Variants in CDH12 observed in about 807,000 individuals in gnomAD.
The protein encoded by CDH12 is cadherin 12, also known as cadherin-12.
CDH12 carries 41 observed loss-of-function variants against 74.1 expected under a neutral mutation model. The ratio of observed to expected loss-of-function variants is 0.55; its 90% CI spans 0.43 to 0.72. The LOEUF (loss-of-function observed/expected upper bound fraction) is 0.72. Ranked by LOEUF, CDH12 falls within the 30% of genes least tolerant of loss-of-function variation. CDH12 has a pLI of 0.00. For missense variants in CDH12, 945 were observed against 977.2 expected (o/e 0.97, Z 0.44); for synonymous variants, 399 against 355.0 (o/e 1.12, Z -1.39).
At chr5:21,867,442 AG>A (rs1238848807) in intron 6 of CDH12, among the ~76,000 whole-genome samples, 2 of 152,104 alleles carry the variant, frequency 1.3e-5, no homozygotes, top group African/African-American at 2.4e-5. Flanking sequence ...ATGTCTAGCC[AG>A]GGCGGGGCTG....
At chr5:22,247,195 G>A (rs1260710413) in intron 3 of CDH12, among the ~76,000 whole-genome samples, 1 of 152,100 alleles carries the variant, frequency 6.6e-6, no homozygotes, top group African/African-American at 2.4e-5. Flanking sequence ...ACATTTACTG[G>A]CTAGTGTCAG....
intron 5 of CDH12, among the ~76,000 whole-genome samples, chr5:22,051,300 T>C (rs184080916): frequency 5.3e-5 from 8 of 152,266 alleles, no homozygotes; most frequent in Admixed American, 5.2e-4. Flanking sequence ...TGCTTTTTTA[T>C]ATGGTAAAGT....
At chr5:22,793,280 T>G (rs552606368) in intron 1 of CDH12, among the ~76,000 whole-genome samples, 1 of 152,360 alleles carries the variant, frequency 6.6e-6, no homozygotes, top group South Asian at 2.1e-4. Flanking sequence ...AGCTTCTTAC[T>G]GGTTTTGGCC....
In CDH12 at chr5:21,895,538, C is replaced by T. The variant is rs922117263; in HGVS notation, c.527-40748G>A. On this transcript the variant is annotated intron_variant, in intron 6 of 14. Transcript: ENST00000382254. ...TCCATTAGAGCAGCAGGGAATGTTTCCAGAGCTCCATATGCATCAATTTGG... is the reference window on the plus strand; with the variant it reads ...TCCATTAGAGCAGCAGGGAATGTTTTCAGAGCTCCATATGCATCAATTTGG... Among the ~76,000 whole-genome samples, 24 of 152,286 alleles carry T rather than the reference C, an allele frequency of 1.6e-4. 2 individuals are homozygous for T. Among genetic ancestry groups the T allele is most frequent in the Admixed American group, 1.4e-3 (21 of 15,298 alleles).
intron 6 of CDH12, among the ~76,000 whole-genome samples, chr5:21,917,395 T>A (rs1294875451): frequency 6.6e-6 from 1 of 152,326 alleles, no homozygotes; most frequent in East Asian, 1.9e-4. Flanking sequence ...CAGTTTTATT[T>A]GCAAGCTACT....
intron 3 of CDH12, among the ~76,000 whole-genome samples, chr5:22,389,668 A>C (rs1463810557): frequency 9.0e-5 from 9 of 100,096 alleles, no homozygotes; most frequent in Non-Finnish European, 1.7e-4. Flanking sequence ...TTTTTTTTTG[A>C]GACAGAGTCT....
chr5:22,491,060 G>A (rs1746841907), intron 2 of CDH12, among the ~76,000 whole-genome samples: 1 of 152,164 alleles, frequency 6.6e-6, no homozygotes, highest in African/African-American at 2.4e-5. Context: ...GCACGACACT[G>A]ATGTTTGTGC....
At chr5:22,737,492 C>T (rs764580340) in intron 1 of CDH12, among the ~76,000 whole-genome samples, 3 of 151,472 alleles carry the variant, frequency 2.0e-5, no homozygotes, top group Admixed American at 6.6e-5. Flanking sequence ...CAAACGAGCA[C>T]GTATTTGCGT....
intron 2 of CDH12, among the ~76,000 whole-genome samples, chr5:22,418,636 C>A (rs914970326): frequency 1.3e-5 from 2 of 152,258 alleles, no homozygotes; most frequent in South Asian, 4.1e-4. Context: ...GTAATCCCAG[C>A]ATTTTGGGAG....
intron 3 of CDH12, among the ~76,000 whole-genome samples, chr5:22,237,889 A>G (rs1752614769): frequency 6.6e-6 from 1 of 152,164 alleles, no homozygotes; most frequent in South Asian, 2.1e-4. Context: ...ATGATGGCAA[A>G]TGGTCTATAA....
At chr5:21,916,731 G>A (rs1057275667) in intron 6 of CDH12, among the ~76,000 whole-genome samples, 4 of 152,096 alleles carry the variant, frequency 2.6e-5, no homozygotes, top group Non-Finnish European at 5.9e-5. Flanking sequence ...GCATATAATC[G>A]TAATTTTAAT....
At chr5:22,151,965 G>A (rs1250720784) in intron 4 of CDH12, 2 of 152,112 alleles carry the variant, frequency 1.3e-5, no homozygotes, top group Non-Finnish European at 2.9e-5. Flanking sequence ...ACGATTTCAC[G>A]TTATCAGTGC....
At chr5:21,950,757 T>TTTATTATTATTA (rs71609723) in intron 6 of CDH12, among the ~76,000 whole-genome samples, 273 of 136,988 alleles carry the variant, frequency 2.0e-3, no homozygotes, top group Middle Eastern at 7.4e-3. Context: ...TAAATTTTAT[T>TTTATTATTATTA]TTATTATTAT....
chr5:22,753,590 G>A (rs1745719024), intron 1 of CDH12, among the ~76,000 whole-genome samples: 1 of 149,272 alleles, frequency 6.7e-6, no homozygotes, highest in Non-Finnish European at 1.5e-5. Context: ...TTGACTTTAT[G>A]TGTTGTATAA....
In CDH12 at chr5:22,578,153, C is replaced by A. The variant is rs558653126; in HGVS notation, c.-522-72789G>T. Among the ~76,000 whole-genome samples, 82 of 152,200 alleles carry A rather than the reference C, an allele frequency of 5.4e-4. No individual in the cohort carries two copies. In the South Asian group the frequency reaches 0.015, roughly 28 times the overall value. On this transcript the variant is annotated intron_variant, in intron 1 of 14. Transcript: ENST00000382254. Reference sequence around the variant, plus strand: ...TAAATGGATGTGTTATATCCAGTGTCTTTCTACTCACTTCTAGTAAAGAAT... The same window carrying A: ...TAAATGGATGTGTTATATCCAGTGTATTTCTACTCACTTCTAGTAAAGAAT...
At chr5:22,762,394 T>C (rs1580975014) in intron 1 of CDH12, among the ~76,000 whole-genome samples, 2 of 152,246 alleles carry the variant, frequency 1.3e-5, no homozygotes, top group Admixed American at 1.3e-4. Context: ...CAGTCATTCT[T>C]AAAAAAGTAT....
intron 1 of CDH12, among the ~76,000 whole-genome samples, chr5:22,767,572 A>T (rs912073364): frequency 6.6e-6 from 1 of 151,946 alleles, no homozygotes; most frequent in African/African-American, 2.4e-5. Flanking sequence ...TAATATAATA[A>T]TTACCTGAAT....
chr5:22,505,218 TATTA>T (rs1736334130), intron 2 of CDH12, 48 bp downstream of exon 2: 1 of 476,690 alleles, frequency 2.1e-6, no homozygotes, highest in African/African-American at 2.1e-5. Flanking sequence ...CATTTTCAGG[TATTA>T]ATTAAGAAGG....
At chr5:21,814,482 C>T (rs547620936) in intron 9 of CDH12, among the ~76,000 whole-genome samples, 346 of 151,628 alleles carry the variant, frequency 2.3e-3, no homozygotes, top group Non-Finnish European at 4.1e-3. Context: ...TATTAAACCA[C>T]GCCTTTTTCA....
Sources: gnomAD v4.1 joint callset for allele counts (sites outside exome capture counted in the v4.1 genomes callset) on GRCh38, gnomAD v4.1.1 for gene constraint, MANE v1.5 for transcripts, NCBI Gene and HGNC (gene_info 2026-07-23, HGNC 2026-07-21) for gene names.